KAT6A: variants seen among roughly 807,000 people sequenced by gnomAD.
The protein encoded by KAT6A is lysine acetyltransferase 6A.
Under a neutral mutation model 198.4 loss-of-function variants are expected in KAT6A, and 9 were observed. That is an observed-to-expected ratio of 0.05 (90% CI 0.03 to 0.08). The LOEUF (loss-of-function observed/expected upper bound fraction) is 0.08, where lower values mean the gene tolerates loss of function less well. Among genes scored for constraint, KAT6A ranks in the 10% least tolerant of loss-of-function variants. The pLI, the probability that KAT6A is intolerant of heterozygous loss-of-function variation, is 1.00. For missense variants in KAT6A, 2,077 were observed against 2,509.9 expected, an observed-to-expected ratio of 0.83 and a Z score of 3.69; for synonymous variants, 890 against 883.0, an observed-to-expected ratio of 1.01 and a Z score of -0.14.
chr8:41,942,839 C>T lies in KAT6A; in HGVS notation c.2390G>A (p.Gly797Glu). The change falls in exon 14 of 17, where the codon GGA becomes GAA. Residue 797 changes from glycine (G) to glutamate (E), a missense_variant. This residue lies in a region of KAT6A where 301 missense variants were observed against 272.2 expected (regional missense o/e 1.11). Transcript: ENST00000265713. ...SEEEEEEAEEGENEEPQCQER... is the reference protein window; with the variant it reads ...SEEEEEEAEEEENEEPQCQER... Reference sequence around the variant, plus strand: ...CTGGCACTGTGGCTCTTCGTTTTCTCCTTCCTCAGCCTCCTCTTCTTCCTC... The same window carrying T: ...CTGGCACTGTGGCTCTTCGTTTTCTTCTTCCTCAGCCTCCTCTTCTTCCTC... 6.2e-7 allele frequency: 1 copy of T among 1,614,172 alleles called. No individual in the cohort carries two copies. The highest frequency in any genetic ancestry group is 8.5e-7 in the Non-Finnish European group (1 of 1,180,020).
intron 5 of KAT6A, 111 bp downstream of exon 5, chr8:41,980,735 A>AT: frequency 1.2e-6 from 1 of 819,930 alleles, no homozygotes; most frequent in Non-Finnish European, 2.1e-6. Context: ...TACTTATACA[A>AT]CCTCAAAAAG....
chr8:41,956,339 G>C (rs997447843), intron 8 of KAT6A, among the ~76,000 whole-genome samples: 2 of 152,030 alleles, frequency 1.3e-5, no homozygotes, highest in Non-Finnish European at 2.9e-5. Context: ...TAACTGACAA[G>C]AAAAAGACAA....
At chr8:41,978,988 G>A (rs1824209632) in intron 5 of KAT6A, among the ~76,000 whole-genome samples, 1 of 152,164 alleles carries the variant, frequency 6.6e-6, no homozygotes, top group African/African-American at 2.4e-5. Context: ...ACACCTTCAA[G>A]CCTGCACTGG....
Position 41,943,921 on chromosome 8 carries a change from A to G in KAT6A, c.2055T>C (p.Asp685=). The change falls in exon 13 of 17, where the codon GAT becomes GAC. Residue 685 remains aspartate (D), a synonymous_variant. Coordinates refer to ENST00000265713, the MANE Select transcript of KAT6A (RefSeq NM_006766.5). ...ATGCCATGTAGGAAAGACGACCCAG[A>G]TCAGATAACGGTTTCTCTGGAGACC... ...QAGSPEKPLS[D]LGRLSYMAYW... The G allele has an allele frequency of 6.2e-7, 1 of 1,614,024 alleles. No homozygotes were observed.
intron 2 of KAT6A, among the ~76,000 whole-genome samples, chr8:41,990,012 T>C (rs946468770): frequency 2.0e-5 from 3 of 150,974 alleles, no homozygotes; most frequent in African/African-American, 7.3e-5. Context: ...ACTGGGGAAG[T>C]AAGTCAGGAA....
At chr8:41,986,795 T>C (rs537873214) in intron 3 of KAT6A, among the ~76,000 whole-genome samples, 3 of 152,270 alleles carry the variant, frequency 2.0e-5, no homozygotes, top group South Asian at 4.1e-4. Flanking sequence ...ATCAGCACTT[T>C]GGGAGGCCAA....
At chr8:42,010,673 G>GT (rs1005402110) in intron 2 of KAT6A, among the ~76,000 whole-genome samples, 1 of 152,104 alleles carries the variant, frequency 6.6e-6, no homozygotes, top group African/African-American at 2.4e-5. Context: ...TGTTGTCCTA[G>GT]TACTTCCCTT....
At chr8:42,041,211 A>C (rs1341021399) in intron 2 of KAT6A, among the ~76,000 whole-genome samples, 1 of 151,834 alleles carries the variant, frequency 6.6e-6, no homozygotes, top group Non-Finnish European at 1.5e-5. Context: ...AAAAAAAAAA[A>C]AACTGTGCAG....
intron 15 of KAT6A, 94 bp from the exon 16 acceptor site, chr8:41,937,662 C>G (rs548848667): frequency 1.0e-6 from 1 of 973,296 alleles, no homozygotes. Context: ...AGAATTAGCA[C>G]ATATAAAATG....
chr8:41,964,541 T>G (rs1233314161), intron 8 of KAT6A, among the ~76,000 whole-genome samples: 1 of 148,476 alleles, frequency 6.7e-6, no homozygotes, highest in African/African-American at 2.5e-5. Context: ...CTAATGATAC[T>G]CAAACGAAAT....
intron 8 of KAT6A, among the ~76,000 whole-genome samples, chr8:41,974,164 A>G (rs1823936234): frequency 6.6e-6 from 1 of 151,184 alleles, no homozygotes; most frequent in Non-Finnish European, 1.5e-5. Flanking sequence ...TGCAACCTCC[A>G]TTTCCCCAGC....
intron 8 of KAT6A, among the ~76,000 whole-genome samples, chr8:41,966,574 T>C (rs1409140403): frequency 6.6e-6 from 1 of 152,122 alleles, no homozygotes; most frequent in East Asian, 1.9e-4. Context: ...CCTAGTTCTC[T>C]CCATCTACCT....
chr8:42,031,038 A>AGG lies in KAT6A; in HGVS notation c.600+17338_600+17339dup, dbSNP rs1554698400. ...ATGCTGCCAAATGCAAAAAAAAAAA[A>AGG]GGGGGGGGGGACAGGAGAAATGTAT... is the stretch of plus-strand genomic sequence containing the variant. On this transcript the variant is annotated intron_variant, in intron 2 of 16. Coordinates refer to ENST00000265713, the MANE Select transcript of KAT6A (RefSeq NM_006766.5). 6.1e-3 allele frequency among the ~76,000 whole-genome samples: 695 copies of AGG among 113,338 alleles called. 6 individuals carry two copies. Among genetic ancestry groups the AGG allele is most frequent in the South Asian group, 0.027 (86 of 3,178 alleles). The allele number at this position is 113,338 out of a possible 152,430, so 74.4% of individuals were successfully genotyped here. A position where few individuals can be genotyped will look rare whatever the true frequency, so the allele number is the denominator to read the frequency against.
intron 5 of KAT6A, among the ~76,000 whole-genome samples, chr8:41,980,256 ACTAAATACCTCTCAATGAACAG>A (rs1248026930): frequency 6.6e-6 from 1 of 152,178 alleles, no homozygotes; most frequent in Admixed American, 6.5e-5. Context: ...CTATGCCCAA[ACTAAATACCTCTCAATGAACAG>A]GAATCAAAAG....
intron 2 of KAT6A, among the ~76,000 whole-genome samples, chr8:42,032,058 TA>T (rs1564078028): frequency 6.6e-6 from 1 of 151,904 alleles, no homozygotes; most frequent in Non-Finnish European, 1.5e-5. Flanking sequence ...GCCTCCCGAG[TA>T]GCTGGGACTA....
chr8:42,046,640 C>T (rs1802317459), intron 2 of KAT6A, among the ~76,000 whole-genome samples: 1 of 152,162 alleles, frequency 6.6e-6, no homozygotes, highest in Non-Finnish European at 1.5e-5. Context: ...TGTTTCCAGG[C>T]AGTTAACCTG....
chr8:42,000,244 C>T (rs1341176681), intron 2 of KAT6A, among the ~76,000 whole-genome samples: 1 of 152,098 alleles, frequency 6.6e-6, no homozygotes, highest in Admixed American at 6.6e-5. Flanking sequence ...TATTTCTATG[C>T]TAAAATATAT....
chr8:41,974,521 C>CA, intron 8 of KAT6A, 183 bp downstream of exon 8: 1 of 425,982 alleles, frequency 2.3e-6, no homozygotes, highest in Non-Finnish European at 4.2e-6. Context: ...TCTGCAAAAC[C>CA]AAAGCAGTTA....
intron 2 of KAT6A, among the ~76,000 whole-genome samples, chr8:42,009,018 C>A (rs1322746990): frequency 6.6e-6 from 1 of 152,196 alleles, no homozygotes; most frequent in Admixed American, 6.5e-5. Flanking sequence ...ATACACAGCA[C>A]CCCTGTACAA....
Sources: allele counts gnomAD v4.1 joint callset (sites outside exome capture counted in the v4.1 genomes callset), GRCh38; gene constraint gnomAD v4.1.1; regional missense constraint gnomAD v4.1.1; transcripts MANE v1.5; gene names NCBI Gene and HGNC (gene_info 2026-07-23, HGNC 2026-07-21).